Variants in NRXN3 observed in about 807,000 individuals in gnomAD.
NRXN3 encodes the protein neurexin 3.
In NRXN3, 32 loss-of-function variants were observed where a neutral mutation model predicts 137.6. The ratio of observed to expected loss-of-function variants is 0.23; its 90% CI spans 0.18 to 0.31. NRXN3 has a LOEUF of 0.31. Among genes scored for constraint, NRXN3 ranks in the 10% least tolerant of loss-of-function variants. The pLI, the probability that NRXN3 is intolerant of heterozygous loss-of-function variation, is 1.00. For synonymous variants in NRXN3, 798 were observed against 784.5 expected, an observed-to-expected ratio of 1.02 and a Z score of -0.29; for missense variants, 1,574 against 2,062.5, an observed-to-expected ratio of 0.76 and a Z score of 4.59.
In NRXN3 at chr14:79,631,493, G is replaced by A. The variant is rs1370665526; in HGVS notation, c.3445-32285G>A. Among the ~76,000 whole-genome samples the A allele has an allele frequency of 2.0e-5, 3 of 152,234 alleles. 1 individual carries two copies. Among genetic ancestry groups the A allele is most frequent in the Admixed American group, 6.5e-5 (1 of 15,290 alleles). ...GGAGTCGGGGCTGCACTGGGCGCTC[G>A]CTGGCAGGCAAGGGTTCGGGCTCCG... On this transcript the variant is annotated intron_variant, in intron 16 of 20. Coordinates refer to ENST00000335750, the MANE Select transcript of NRXN3 (RefSeq NM_001330195.2).
chr14:78,886,537 T>G (rs2099144348), intron 10 of NRXN3, among the ~76,000 whole-genome samples: 2 of 152,090 alleles, frequency 1.3e-5, no homozygotes, highest in South Asian at 4.1e-4. Context: ...TTTAGAGTCT[T>G]TAATTTGAGC....
intron 4 of NRXN3, among the ~76,000 whole-genome samples, chr14:78,399,628 C>G (rs1370180376): frequency 2.0e-5 from 3 of 152,228 alleles, no homozygotes; most frequent in Non-Finnish European, 4.4e-5. Flanking sequence ...CTCTACCCTT[C>G]CATACTCAAT....
At chr14:79,555,512 T>C (rs1482502520) in intron 16 of NRXN3, among the ~76,000 whole-genome samples, 1 of 152,132 alleles carries the variant, frequency 6.6e-6, no homozygotes, top group Non-Finnish European at 1.5e-5. Flanking sequence ...TAGGATATAG[T>C]AACAAAATAA....
intron 4 of NRXN3, among the ~76,000 whole-genome samples, chr14:78,631,975 G>T (rs2097526642): frequency 6.6e-6 from 1 of 151,954 alleles, no homozygotes; most frequent in Non-Finnish European, 1.5e-5. Context: ...TTAGCCGGGC[G>T]TGGTGGCGGC....
intron 15 of NRXN3, among the ~76,000 whole-genome samples, chr14:79,273,172 CAAAAAAAAAAA>C (rs1163073631): frequency 3.4e-4 from 7 of 20,752 alleles, no homozygotes; most frequent in African/African-American, 8.4e-4. Context: ...ACTCTGTGGC[CAAAAAAAAAAA>C]AAAAAAAAAA....
At chr14:79,628,346 C>G (rs1197236060) in intron 16 of NRXN3, among the ~76,000 whole-genome samples, 2 of 152,160 alleles carry the variant, frequency 1.3e-5, no homozygotes, top group African/African-American at 2.4e-5. Flanking sequence ...ATTGTTTTCT[C>G]CTAACAGTTC....
chr14:78,559,570 A>C (rs1347090726), intron 4 of NRXN3, among the ~76,000 whole-genome samples: 3 of 152,194 alleles, frequency 2.0e-5, no homozygotes, highest in African/African-American at 7.2e-5. Flanking sequence ...ATACTTTCAG[A>C]TTGCTTTCCA....
intron 20 of NRXN3, among the ~76,000 whole-genome samples, chr14:79,805,665 A>G (rs1568312793): frequency 2.0e-5 from 3 of 152,330 alleles, no homozygotes; most frequent in Non-Finnish European, 4.4e-5. Context: ...ATTCTGAGCT[A>G]AGAGAACCAA....
chr14:78,413,240 A>C (rs957398913), intron 4 of NRXN3, among the ~76,000 whole-genome samples: 4 of 152,186 alleles, frequency 2.6e-5, no homozygotes, highest in African/African-American at 9.6e-5. Context: ...GCTGAGCATG[A>C]CTTGTGACAC....
At chr14:79,826,689 A>G (rs1198161291) in intron 20 of NRXN3, among the ~76,000 whole-genome samples, 2 of 152,140 alleles carry the variant, frequency 1.3e-5, no homozygotes, top group African/African-American at 4.8e-5. Flanking sequence ...GCGTCTGCAT[A>G]ATGGGCTTTG....
At chr14:78,866,537 G>A (rs1184138560) in intron 10 of NRXN3, among the ~76,000 whole-genome samples, 1 of 152,040 alleles carries the variant, frequency 6.6e-6, no homozygotes, top group Non-Finnish European at 1.5e-5. Flanking sequence ...AGCACTTGTT[G>A]GGGAAAATAA....
At chr14:78,760,620 A>G (rs2152974470) in intron 8 of NRXN3, among the ~76,000 whole-genome samples, 1 of 151,648 alleles carries the variant, frequency 6.6e-6, no homozygotes, top group Non-Finnish European at 1.5e-5. Context: ...GCCAGCCTAA[A>G]GAGTTTAGAC....
chr14:78,807,960 C>A (rs2098887164), intron 9 of NRXN3, among the ~76,000 whole-genome samples: 1 of 151,846 alleles, frequency 6.6e-6, no homozygotes, highest in Non-Finnish European at 1.5e-5. Context: ...CTTCCCAACT[C>A]AGTTCTTTGA....
intron 15 of NRXN3, among the ~76,000 whole-genome samples, chr14:79,362,017 T>TATTATTATC (rs2093701054): frequency 6.8e-6 from 1 of 147,430 alleles, no homozygotes; most frequent in Non-Finnish European, 1.5e-5. Flanking sequence ...TTATTATTAT[T>TATTATTATC]ATTATTATTA....
chr14:79,866,562 T>C lies in NRXN3; in HGVS notation c.*4598T>C, dbSNP rs2099418146. 1 of 152,102 alleles carries C rather than the reference T, an allele frequency of 6.6e-6. No individual in the cohort carries two copies. The highest frequency in any genetic ancestry group is 2.1e-4 in the South Asian group (1 of 4,828). The allele number at this position is 152,102 out of a possible 1,614,324, so 9.4% of individuals were successfully genotyped here. A position where few individuals can be genotyped will look rare whatever the true frequency, so the allele number is the denominator to read the frequency against. ...TGGATTGATGACAGACTGCAAAAAGTACATTGGAGGAAGATATGAGTAGGA... is the reference window on the plus strand; with the variant it reads ...TGGATTGATGACAGACTGCAAAAAGCACATTGGAGGAAGATATGAGTAGGA... On this transcript the variant is annotated 3_prime_UTR_variant, in exon 21 of 21. Transcript: ENST00000335750.
intron 10 of NRXN3, among the ~76,000 whole-genome samples, chr14:78,819,578 C>A (rs1292276691): frequency 6.6e-6 from 1 of 152,024 alleles, no homozygotes; most frequent in African/African-American, 2.4e-5. Context: ...TTCTCATGGA[C>A]ACCAAATTAG....
chr14:78,656,781 C>A (rs889903289), intron 6 of NRXN3, among the ~76,000 whole-genome samples: 1 of 152,206 alleles, frequency 6.6e-6, no homozygotes, highest in East Asian at 1.9e-4. Context: ...CGGTGGCTTA[C>A]GCCTGTAATC....
chr14:79,581,060 G>A (rs1038632425), intron 16 of NRXN3, among the ~76,000 whole-genome samples: 8 of 152,072 alleles, frequency 5.3e-5, no homozygotes, highest in African/African-American at 1.9e-4. Flanking sequence ...GGTCCTGTTA[G>A]GGCACCTTTT....
intron 8 of NRXN3, among the ~76,000 whole-genome samples, chr14:78,768,755 T>C (rs1039038763): frequency 2.6e-5 from 4 of 152,170 alleles, no homozygotes; most frequent in African/African-American, 9.7e-5. Flanking sequence ...GGACAGAGTT[T>C]GGACGCTAAA....
Sources: allele counts gnomAD v4.1 joint callset (sites outside exome capture counted in the v4.1 genomes callset), GRCh38; gene constraint gnomAD v4.1.1; transcripts MANE v1.5; gene names NCBI Gene and HGNC (gene_info 2026-07-23, HGNC 2026-07-21).